The following JARID2 variants were observed in gnomAD, a reference collection of about 807,000 sequenced individuals.
The protein encoded by JARID2 is protein Jumonji.
In JARID2, 21 loss-of-function variants were observed where a neutral mutation model predicts 125.6. The observed-to-expected ratio is 0.17, with a 90% confidence interval of 0.12 to 0.24. The LOEUF (loss-of-function observed/expected upper bound fraction) is 0.24, where lower values mean the gene tolerates loss of function less well. Ranked by LOEUF, JARID2 falls within the 10% of genes least tolerant of loss-of-function variation. JARID2 has a pLI of 1.00. For synonymous variants in JARID2, 736 were observed against 661.6 expected, an observed-to-expected ratio of 1.11 and a Z score of -1.73; for missense variants, 1,303 against 1,639.6, an observed-to-expected ratio of 0.79 and a Z score of 3.55.
chr6:15,447,982 T>C (rs1205356177), intron 3 of JARID2, among the ~76,000 whole-genome samples: 1 of 152,228 alleles, frequency 6.6e-6, no homozygotes, highest in Non-Finnish European at 1.5e-5. Context: ...GAGGGCTTAC[T>C]CAGGATTTGG....
Position 15,406,496 on chromosome 6 carries a change from G to A in JARID2, c.182-3728G>A, listed in dbSNP as rs116272469. 1.7e-3 allele frequency among the ~76,000 whole-genome samples: 266 copies of A among 152,184 alleles called. 1 individual carries two copies. The highest frequency in any genetic ancestry group is 3.4e-3 in the Middle Eastern group (1 of 292). ...GTATAAAGGCAGTTCCTTATGTATG[G>A]GCCCCATTTTATGAATCTGGAACAT... On this transcript the variant is annotated intron_variant, in intron 2 of 17. Transcript: ENST00000341776.
intron 1 of JARID2, among the ~76,000 whole-genome samples, chr6:15,306,393 G>A (rs1217415172): frequency 7.2e-6 from 1 of 138,330 alleles, no homozygotes; most frequent in Non-Finnish European, 1.5e-5. Context: ...GGAGTGCAAT[G>A]GCACAATCTC....
At chr6:15,265,699 T>G (rs1191755999) in intron 1 of JARID2, among the ~76,000 whole-genome samples, 1 of 152,154 alleles carries the variant, frequency 6.6e-6, no homozygotes, top group African/African-American at 2.4e-5. Context: ...GAATGCTGTC[T>G]TAACAGTGTA....
Position 15,296,557 on chromosome 6 carries a change from AC to A in JARID2, c.45+49974del, listed in dbSNP as rs1561777213. On this transcript the variant is annotated intron_variant, in intron 1 of 17. Coordinates refer to ENST00000341776, the MANE Select transcript of JARID2 (RefSeq NM_004973.4). ...CCCTCCCCATCATCCTCCCCGCAAC[AC>A]ATAGTTTTTATAATTCTGAACCATT... 6.6e-5 allele frequency among the ~76,000 whole-genome samples: 10 copies of A among 152,142 alleles called. No individual in the cohort carries two copies. The East Asian group carries it at 1.9e-3, about 29-fold the overall frequency.
chr6:15,390,175 C>T (rs955714800), intron 2 of JARID2, among the ~76,000 whole-genome samples: 1 of 152,282 alleles, frequency 6.6e-6, no homozygotes, highest in Middle Eastern at 3.4e-3. Flanking sequence ...TATTTGTTGT[C>T]ATCTGTCCAC....
intron 1 of JARID2, among the ~76,000 whole-genome samples, chr6:15,263,099 TGTGTG>T: frequency 6.6e-6 from 1 of 151,428 alleles, no homozygotes; most frequent in Non-Finnish European, 1.5e-5. Context: ...TGTGTGTGTG[TGTGTG>T]TGTGTGTGTG....
At chr6:15,453,336 C>G (rs890343625) in intron 4 of JARID2, among the ~76,000 whole-genome samples, 1 of 152,210 alleles carries the variant, frequency 6.6e-6, no homozygotes, top group East Asian at 1.9e-4. Flanking sequence ...AATTACAGGT[C>G]AATTATTTTT....
intron 1 of JARID2, among the ~76,000 whole-genome samples, chr6:15,270,153 A>G (rs1321760618): frequency 6.6e-6 from 1 of 151,810 alleles, no homozygotes; most frequent in African/African-American, 2.4e-5. Context: ...TCCGTCTTTG[A>G]TGGACTTTCA....
At chr6:15,508,196 T>A (rs1029390040) in intron 11 of JARID2, 144 bp from the exon 12 acceptor site, 2 of 619,898 alleles carry the variant, frequency 3.2e-6, no homozygotes, top group East Asian at 5.6e-5. Context: ...AGTAGGTACC[T>A]TCTGCTCACT....
chr6:15,383,114 T>A (rs1395027430), intron 2 of JARID2, among the ~76,000 whole-genome samples: 1 of 152,102 alleles, frequency 6.6e-6, no homozygotes, highest in Non-Finnish European at 1.5e-5. Flanking sequence ...TTATAGGAGT[T>A]CAGTTTCAAA....
intron 1 of JARID2, among the ~76,000 whole-genome samples, chr6:15,355,334 A>G (rs1372878751): frequency 6.6e-6 from 1 of 152,190 alleles, no homozygotes; most frequent in Non-Finnish European, 1.5e-5. Context: ...AAATCTTAAA[A>G]TTTTTACTCA....
At chr6:15,497,650 C>CAA (rs67874437) in intron 7 of JARID2, among the ~76,000 whole-genome samples, 79,663 of 133,152 alleles carry the variant, frequency 0.6, 24,008 homozygotes, top group East Asian at 0.79. Context: ...GATTCCGTCT[C>CAA]AAAAAAAAAA....
intron 3 of JARID2, among the ~76,000 whole-genome samples, chr6:15,424,428 T>G (rs557612409): frequency 3.3e-5 from 5 of 152,156 alleles, no homozygotes; most frequent in Non-Finnish European, 7.3e-5. Context: ...GATTAGAAAT[T>G]AGGAGAAAAG....
chr6:15,324,935 A>G (rs2127446817), intron 1 of JARID2, among the ~76,000 whole-genome samples: 1 of 152,022 alleles, frequency 6.6e-6, no homozygotes, highest in South Asian at 2.1e-4. Context: ...AAGAATTTCA[A>G]CAGCCCTGAA....
intron 3 of JARID2, among the ~76,000 whole-genome samples, chr6:15,434,542 A>AC (rs1767120746): frequency 6.6e-6 from 1 of 152,170 alleles, no homozygotes; most frequent in South Asian, 2.1e-4. Context: ...GGCTCTTCAC[A>AC]CCCCTGGGCA....
At chr6:15,433,410 CTGTGTGTGTGTG>C (rs57296791) in intron 3 of JARID2, among the ~76,000 whole-genome samples, 22,234 of 143,446 alleles carry the variant, frequency 0.15, 1,766 homozygotes, top group East Asian at 0.25. Context: ...CCATGTCTCT[CTGTGTGTGTGTG>C]TGTGTGTGTG....
At chr6:15,265,481 G>C (rs941695613) in intron 1 of JARID2, among the ~76,000 whole-genome samples, 3 of 151,988 alleles carry the variant, frequency 2.0e-5, no homozygotes, top group Admixed American at 2.0e-4. Context: ...CTGTCAGCTG[G>C]GATTTCAAAT....
At chr6:15,383,716 T>C (rs941131942) in intron 2 of JARID2, among the ~76,000 whole-genome samples, 4 of 152,180 alleles carry the variant, frequency 2.6e-5, no homozygotes, top group African/African-American at 9.7e-5. Flanking sequence ...TATTCTGGGG[T>C]GTAATTGCCC....
At chr6:15,410,683 A>AAT (rs200117162) in intron 3 of JARID2, among the ~76,000 whole-genome samples, 103 of 152,280 alleles carry the variant, frequency 6.8e-4, no homozygotes, top group African/African-American at 2.4e-3. Flanking sequence ...CATCTTGAGG[A>AAT]ATATATATAT....
Sources: gnomAD v4.1 joint callset for allele counts (sites outside exome capture counted in the v4.1 genomes callset) on GRCh38, gnomAD v4.1.1 for gene constraint, MANE v1.5 for transcripts, NCBI Gene and HGNC (gene_info 2026-07-23, HGNC 2026-07-21) for gene names.